RANBP17: variants seen among roughly 807,000 people sequenced by gnomAD.
RANBP17 encodes ran-binding protein 17.
A neutral mutation model predicts 141.2 loss-of-function variants in RANBP17; 158 were observed. That is an observed-to-expected ratio of 1.12 (90% CI 0.98 to 1.28). The LOEUF (loss-of-function observed/expected upper bound fraction) is 1.28, where lower values mean the gene tolerates loss of function less well. RANBP17 is among the 50% of genes most tolerant of loss of function. The probability of loss-of-function intolerance (pLI) is 0.00; values close to 1 mark genes in which losing one functional copy is unlikely to be tolerated. For synonymous variants in RANBP17, 430 were observed against 450.0 expected, an observed-to-expected ratio of 0.96 and a Z score of 0.56; for missense variants, 1,438 against 1,290.7, an observed-to-expected ratio of 1.11 and a Z score of -1.75.
At chr5:171,049,847 T>C (rs898696193) in intron 14 of RANBP17, among the ~76,000 whole-genome samples, 1 of 152,234 alleles carries the variant, frequency 6.6e-6, no homozygotes, top group Non-Finnish European at 1.5e-5. Flanking sequence ...TTTGTACCAG[T>C]ACCATGCTGT....
At chr5:171,073,669 C>T (rs542220129) in intron 14 of RANBP17, among the ~76,000 whole-genome samples, 8 of 152,188 alleles carry the variant, frequency 5.3e-5, no homozygotes, top group African/African-American at 1.9e-4. Flanking sequence ...AGTGTCACCC[C>T]GGTAGCTACA....
chr5:170,874,987 A>C (rs1474291301), intron 1 of RANBP17, among the ~76,000 whole-genome samples: 2 of 152,016 alleles, frequency 1.3e-5, no homozygotes, highest in East Asian at 3.9e-4. Flanking sequence ...TTCCATATTT[A>C]GTGCTTCCTT....
chr5:170,876,417 A>G (rs1334025951), intron 1 of RANBP17, among the ~76,000 whole-genome samples: 1 of 152,154 alleles, frequency 6.6e-6, no homozygotes, highest in African/African-American at 2.4e-5. Context: ...ATAAAACAAT[A>G]TAATTTTTAC....
intron 21 of RANBP17, among the ~76,000 whole-genome samples, chr5:171,221,266 T>C (rs1417856074): frequency 6.6e-6 from 1 of 152,230 alleles, no homozygotes; most frequent in Non-Finnish European, 1.5e-5. Flanking sequence ...ATGCCTGAAG[T>C]GTCAGGTAAT....
intron 14 of RANBP17, among the ~76,000 whole-genome samples, chr5:171,037,599 C>G (rs184417319): frequency 2.6e-5 from 4 of 151,928 alleles, no homozygotes; most frequent in African/African-American, 9.7e-5. Context: ...GTTAATCGGT[C>G]GAGTTAATTT....
At chr5:170,935,399 A>C (rs1413200278) in intron 12 of RANBP17, among the ~76,000 whole-genome samples, 1 of 152,208 alleles carries the variant, frequency 6.6e-6, no homozygotes, top group Non-Finnish European at 1.5e-5. Flanking sequence ...GATTTTTAGA[A>C]TTCTCAGCTT....
At chr5:170,928,105 A>G (rs1773073847) in intron 12 of RANBP17, among the ~76,000 whole-genome samples, 1 of 152,078 alleles carries the variant, frequency 6.6e-6, no homozygotes, top group Non-Finnish European at 1.5e-5. Flanking sequence ...TTCCCTAATG[A>G]TTAATGATGT....
At chr5:170,953,867 G>T (rs752534710) in intron 13 of RANBP17, among the ~76,000 whole-genome samples, 165 bp downstream of exon 13, 8 of 152,122 alleles carry the variant, frequency 5.3e-5, no homozygotes, top group Non-Finnish European at 8.8e-5. Flanking sequence ...TAAATGATTT[G>T]TAGAAGTCAA....
At chr5:170,953,824 T>C in intron 13 of RANBP17, 122 bp downstream of exon 13, 1 of 633,062 alleles carries the variant, frequency 1.6e-6, no homozygotes. Flanking sequence ...ATTATTTCCC[T>C]TTTTATTGGT....
At chr5:170,934,518 A>T (rs1014845302) in intron 12 of RANBP17, among the ~76,000 whole-genome samples, 1 of 152,136 alleles carries the variant, frequency 6.6e-6, no homozygotes, top group East Asian at 1.9e-4. Context: ...AAAATCTCTC[A>T]GCTTTTGTTT....
intron 14 of RANBP17, among the ~76,000 whole-genome samples, chr5:171,059,319 C>G (rs1783642365): frequency 6.6e-6 from 1 of 152,164 alleles, no homozygotes; most frequent in African/African-American, 2.4e-5. Context: ...AGTCTTGAAT[C>G]CATCTTGAAT....
intron 25 of RANBP17, 103 bp downstream of exon 25, chr5:171,265,950 T>C (rs957778): frequency 0.16 from 146,122 of 932,414 alleles, 12,165 homozygotes; most frequent in Admixed American, 0.21. Context: ...AGACTTTTTA[T>C]ACTGGTAAAA....
At chr5:171,088,104 G>T (rs368699796) in intron 14 of RANBP17, among the ~76,000 whole-genome samples, 2 of 151,690 alleles carry the variant, frequency 1.3e-5, no homozygotes, top group African/African-American at 4.8e-5. Context: ...GGCTGGTACC[G>T]GTTGTTCCTT....
intron 13 of RANBP17, among the ~76,000 whole-genome samples, chr5:170,962,511 A>C (rs114706506): frequency 6.6e-6 from 1 of 152,366 alleles, no homozygotes; most frequent in African/African-American, 2.4e-5. Flanking sequence ...TTTAAAAACA[A>C]GATACACCTT....
intron 13 of RANBP17, among the ~76,000 whole-genome samples, chr5:170,966,068 A>G (rs569177978): frequency 1.4e-4 from 21 of 152,196 alleles, no homozygotes; most frequent in Middle Eastern, 6.8e-3. Flanking sequence ...ACCAACCAAA[A>G]AGAGTCCAGG....
At chr5:171,051,307 G>C (rs1193233812) in intron 14 of RANBP17, among the ~76,000 whole-genome samples, 2 of 152,002 alleles carry the variant, frequency 1.3e-5, no homozygotes, top group African/African-American at 2.4e-5. Flanking sequence ...GTGACCTTTA[G>C]TGCATTCGCC....
intron 2 of RANBP17, among the ~76,000 whole-genome samples, chr5:170,881,188 T>C (rs984895232): frequency 1.3e-5 from 2 of 152,242 alleles, no homozygotes; most frequent in African/African-American, 2.4e-5. Context: ...AGGCAGGATT[T>C]GGTCAAGGGC....
chr5:171,110,802 T>G (rs1283709962), intron 14 of RANBP17, among the ~76,000 whole-genome samples: 3 of 152,048 alleles, frequency 2.0e-5, no homozygotes, highest in African/African-American at 7.2e-5. Flanking sequence ...AGAGTCTCTT[T>G]ATAGATTTTT....
chr5:171,071,113 C>T (rs1354400363), intron 14 of RANBP17, among the ~76,000 whole-genome samples: 3 of 152,044 alleles, frequency 2.0e-5, no homozygotes, highest in African/African-American at 7.2e-5. Context: ...CAATTTGTAC[C>T]TAACCAGCAA....
Sources: allele counts gnomAD v4.1 joint callset (sites outside exome capture counted in the v4.1 genomes callset), GRCh38; gene constraint gnomAD v4.1.1; transcripts MANE v1.5; gene names NCBI Gene and HGNC (gene_info 2026-07-23, HGNC 2026-07-21).